TRIM13: variants seen among roughly 807,000 people sequenced by gnomAD.
The protein encoded by TRIM13 is E3 ubiquitin-protein ligase TRIM13.
In TRIM13, 15 loss-of-function variants were observed where a neutral mutation model predicts 27.1. The ratio of observed to expected loss-of-function variants is 0.55; its 90% confidence interval spans 0.37 to 0.85. The LOEUF (loss-of-function observed/expected upper bound fraction) is 0.85. Ranked by LOEUF, TRIM13 falls within the 40% of genes least tolerant of loss-of-function variation. The probability of loss-of-function intolerance (pLI) is 0.00; values close to 1 mark genes in which losing one functional copy is unlikely to be tolerated. For missense variants in TRIM13, 402 were observed against 472.2 expected (o/e 0.85, Z 1.38); for synonymous variants, 193 against 171.5 (o/e 1.13, Z -0.98).
Position 50,016,113 on chromosome 13 carries a change from T to G in TRIM13, c.*2949T>G, listed in dbSNP as rs1230834175. The G allele has an allele frequency of 1.1e-5, 16 of 1,426,452 alleles. No individual in the cohort carries two copies. The African/African-American group carries it at 1.8e-4, about 16-fold the overall frequency. 88.4% of individuals were successfully genotyped at this position (1,426,452 alleles called of 1,614,324 possible). ...AGTATTTCTCTTGTATACCAGTTTG[T>G]GATGTTTTCTCTAAAAACTTGAAGT... On this transcript the variant is annotated 3_prime_UTR_variant, in exon 2 of 2. Coordinates refer to ENST00000378182, the MANE Select transcript of TRIM13 (RefSeq NM_213590.3).
At chr13:50,001,317 A>C (rs116990692) in intron 1 of TRIM13, among the ~76,000 whole-genome samples, 1 of 149,860 alleles carries the variant, frequency 6.7e-6, no homozygotes, top group Non-Finnish European at 1.5e-5. Context: ...AAAGGCAGGA[A>C]AGAGTCCAGG....
In TRIM13 at chr13:50,015,631, T is replaced by C; in HGVS notation, c.*2467T>C. The C allele has an allele frequency of 6.2e-7, 1 of 1,614,158 alleles. No individual in the cohort carries two copies. Among genetic ancestry groups the C allele is most frequent in the South Asian group, 1.1e-5 (1 of 91,088 alleles). On this transcript the variant is annotated 3_prime_UTR_variant, in exon 2 of 2. Coordinates refer to ENST00000378182, the MANE Select transcript of TRIM13 (RefSeq NM_213590.3). ...GAGACCAAGAATTCAAGATGGTTGG[T>C]GGCCAGATTTTTGTAGACAGAGATG...
chr13:50,013,156 CTAT>C lies in TRIM13; in HGVS notation c.1220_1222del (p.Leu407del). 6.4e-7 allele frequency: 1 copy of C among 1,560,198 alleles called. No individual in the cohort carries two copies. Among genetic ancestry groups the C allele is most frequent in the Non-Finnish European group, 8.6e-7 (1 of 1,156,658 alleles). On this transcript the variant is annotated inframe_deletion, in exon 2 of 2. Transcript: ENST00000378182. Reference sequence around the variant, plus strand: ...GGCAGAATTTGTGTGCAAATATAAACTATTATAAAATCTGTTTCAAGTATGCAG... The same window carrying C: ...GGCAGAATTTGTGTGCAAATATAAACTATAAAATCTGTTTCAAGTATGCAG...
At chr13:50,011,110 G>C (rs563712414) in intron 1 of TRIM13, among the ~76,000 whole-genome samples, 97 of 152,248 alleles carry the variant, frequency 6.4e-4, no homozygotes, top group Middle Eastern at 6.8e-3. Flanking sequence ...AGCTTTGCTC[G>C]ATCCCTCCTA....
At chr13:50,008,527 A>G (rs116691485) in intron 1 of TRIM13, among the ~76,000 whole-genome samples, 6 of 151,654 alleles carry the variant, frequency 4.0e-5, no homozygotes, top group Non-Finnish European at 7.4e-5. Context: ...AGTCTTAGCT[A>G]CTTAGGAATC....
Position 50,017,440 on chromosome 13 carries a change from A to T in TRIM13, c.*4276A>T, listed in dbSNP as rs1330496558. On this transcript the variant is annotated 3_prime_UTR_variant, in exon 2 of 2. Coordinates refer to ENST00000378182, the MANE Select transcript of TRIM13 (RefSeq NM_213590.3). Reference sequence around the variant, plus strand: ...AACTGGGATGTTCCTGTGTGTACACAGTGCCAAATGGTTTTCCCTTTTTAT... The same window carrying T: ...AACTGGGATGTTCCTGTGTGTACACTGTGCCAAATGGTTTTCCCTTTTTAT... The T allele has an allele frequency of 1.8e-5, 3 of 167,134 alleles. No homozygotes were observed. The highest frequency in any genetic ancestry group is 4.4e-5 in the Non-Finnish European group (3 of 68,110). The allele number at this position is 167,134 out of a possible 1,614,324, so 10.4% of individuals were successfully genotyped here.
In TRIM13 at chr13:50,015,865, G is replaced by A. The variant is rs1210878369; in HGVS notation, c.*2701G>A. ...GCCGGAACACTCAAGCTTTTTTCAG[G>A]GTGTTTGGCTCTTGCAGCAAAACAA... is the stretch of plus-strand genomic sequence containing the variant. On this transcript the variant is annotated 3_prime_UTR_variant, in exon 2 of 2. Coordinates refer to ENST00000378182, the MANE Select transcript of TRIM13 (RefSeq NM_213590.3). 1.2e-6 allele frequency: 2 copies of A among 1,613,868 alleles called. No homozygotes were observed. The highest frequency in any genetic ancestry group is 1.7e-6 in the Non-Finnish European group (2 of 1,179,958).
chr13:50,001,660 T>G (rs1874059025), intron 1 of TRIM13, among the ~76,000 whole-genome samples: 1 of 152,208 alleles, frequency 6.6e-6, no homozygotes, highest in African/African-American at 2.4e-5. Flanking sequence ...ACATAACAAT[T>G]ATTTTAGATA....
At chr13:50,010,040 CTTTTTTTTTTTTTT>C (rs760914119) in intron 1 of TRIM13, among the ~76,000 whole-genome samples, 1 of 117,166 alleles carries the variant, frequency 8.5e-6, no homozygotes, top group Non-Finnish European at 1.7e-5. Flanking sequence ...GTAATTTAAT[CTTTTTTTTTTTTTT>C]TTTTTTTTTC....
chr13:50,012,264 T>C lies in TRIM13; in HGVS notation c.324T>C (p.Thr108=). ...LGQPLNIFCL[T]DMQLICGICA... The stretch of plus-strand genomic sequence containing the variant: ...AGCCTCTCAACATTTTCTGCCTGAC[T>C]GATATGCAGCTGATTTGTGGGATCT... The change falls in exon 2 of 2, where the codon ACT becomes ACC. Residue 108 remains threonine, a synonymous_variant. Coordinates refer to ENST00000378182, the MANE Select transcript of TRIM13 (RefSeq NM_213590.3). 1 of 1,614,178 alleles carries C rather than the reference T, an allele frequency of 6.2e-7. No individual in the cohort carries two copies. The highest frequency in any genetic ancestry group is 8.5e-7 in the Non-Finnish European group (1 of 1,180,002).
rs964808494 is a variant in TRIM13 at position 49,997,438 on chromosome 13, G to C, written c.-332G>C. Reference sequence around the variant, plus strand: ...ACATCCCCTAGAAAAGAAAAGACGGGTGTGGGCCTTAGGTTACAGCGCGCC... The same window carrying C: ...ACATCCCCTAGAAAAGAAAAGACGGCTGTGGGCCTTAGGTTACAGCGCGCC... On this transcript the variant is annotated 5_prime_UTR_variant, in exon 1 of 2. Coordinates refer to ENST00000378182, the MANE Select transcript of TRIM13 (RefSeq NM_213590.3). 1 of 152,218 alleles carries C rather than the reference G, an allele frequency of 6.6e-6. No homozygotes were observed. Among genetic ancestry groups the C allele is most frequent in the Non-Finnish European group, 1.5e-5 (1 of 68,088 alleles). The allele number at this position is 152,218 out of a possible 1,614,324, so 9.4% of individuals were successfully genotyped here.
chr13:50,004,211 A>G (rs1181014210), intron 1 of TRIM13, among the ~76,000 whole-genome samples: 1 of 152,240 alleles, frequency 6.6e-6, no homozygotes, highest in Non-Finnish European at 1.5e-5. Context: ...CTGTATAATC[A>G]GCACTTTGGG....
rs529291103 is a variant in TRIM13, at chr13:50,011,915, ATTT to A, written c.-6-10_-6-8del. The A allele has an allele frequency of 4.3e-6, 5 of 1,157,912 alleles. No homozygotes were observed. The highest frequency in any genetic ancestry group is 2.1e-4 in the Middle Eastern group (1 of 4,680). The allele number at this position is 1,157,912 out of a possible 1,614,324, so 71.7% of individuals were successfully genotyped here. A position where few individuals can be genotyped will look rare whatever the true frequency, so the allele number is the denominator to read the frequency against. ...TGGTGACGGTTATTGGAGTAAAATA[ATTT>A]TTTTTTTTTCTGGTAGGATGTGATG... On this transcript the variant is annotated splice_polypyrimidine_tract_variant and intron_variant, in intron 1 of 1. Transcript: ENST00000378182.
At chr13:50,009,638 G>A (rs1594578169) in intron 1 of TRIM13, among the ~76,000 whole-genome samples, 2 of 150,722 alleles carry the variant, frequency 1.3e-5, no homozygotes, top group Admixed American at 6.6e-5. Flanking sequence ...TTGGGAGGCT[G>A]AGGCAGGAGA....
At chr13:49,999,777 C>G (rs571375505) in intron 1 of TRIM13, among the ~76,000 whole-genome samples, 20 of 152,266 alleles carry the variant, frequency 1.3e-4, no homozygotes, top group African/African-American at 4.3e-4. Context: ...CCTGTTAAAC[C>G]TAGTTTGTAA....
At chr13:50,010,040 CTTT>C (rs760914119) in intron 1 of TRIM13, among the ~76,000 whole-genome samples, 281 of 117,122 alleles carry the variant, frequency 2.4e-3, no homozygotes, top group African/African-American at 7.9e-3. Context: ...GTAATTTAAT[CTTT>C]TTTTTTTTTT....
Position 50,003,135 on chromosome 13 carries a change from A to C in TRIM13, c.-7+5372A>C, listed in dbSNP as rs541167764. 2.0e-5 allele frequency among the ~76,000 whole-genome samples: 3 copies of C among 152,224 alleles called. No homozygotes were observed. The South Asian group carries it at 6.2e-4, about 31-fold the overall frequency. On this transcript the variant is annotated intron_variant, in intron 1 of 1. Coordinates refer to ENST00000378182, the MANE Select transcript of TRIM13 (RefSeq NM_213590.3). ...CATTTTATTATAGGAATTATTTCAA[A>C]GTAACATTTGTGGCTGTCTCAGTTC...
At chr13:50,003,092 T>C (rs1462498058) in intron 1 of TRIM13, among the ~76,000 whole-genome samples, 1 of 152,130 alleles carries the variant, frequency 6.6e-6, no homozygotes, top group Admixed American at 6.5e-5. Flanking sequence ...TGAGAGGAAA[T>C]GATTTTTTTT....
At chr13:50,010,074 GGTCTCTCTCT>G (rs1405119194) in intron 1 of TRIM13, among the ~76,000 whole-genome samples, 1 of 132,214 alleles carries the variant, frequency 7.6e-6, no homozygotes, top group Non-Finnish European at 1.5e-5. Context: ...CCTGAGGCAA[GGTCTCTCTCT>G]GTTGCCCAGG....
Sources: allele counts gnomAD v4.1 joint callset (sites outside exome capture counted in the v4.1 genomes callset), GRCh38; gene constraint gnomAD v4.1.1; transcripts MANE v1.5; gene names NCBI Gene and HGNC (gene_info 2026-07-23, HGNC 2026-07-21).